Variants in FBXL17 observed in about 807,000 individuals in gnomAD.
The protein encoded by FBXL17 is F-box/LRR-repeat protein 17.
A neutral mutation model predicts 66.2 loss-of-function variants in FBXL17; 22 were observed. That is an observed-to-expected ratio of 0.33 (90% CI 0.24 to 0.47). The LOEUF (loss-of-function observed/expected upper bound fraction) is 0.47. Among genes scored for constraint, FBXL17 ranks in the 20% least tolerant of loss-of-function variants. FBXL17 has a pLI of 1.00. For synonymous variants in FBXL17, 474 were observed against 400.5 expected (o/e 1.18, Z -2.19); for missense variants, 878 against 948.2 (o/e 0.93, Z 0.97).
At chr5:107,985,666 T>C (rs776142845) in intron 7 of FBXL17, among the ~76,000 whole-genome samples, 1 of 152,238 alleles carries the variant, frequency 6.6e-6, no homozygotes. Context: ...TTATGATCTA[T>C]ATACATCTGA....
At chr5:108,161,840 C>T (rs1752231191) in intron 6 of FBXL17, among the ~76,000 whole-genome samples, 1 of 152,070 alleles carries the variant, frequency 6.6e-6, no homozygotes, top group African/African-American at 2.4e-5. Flanking sequence ...TGATCTTAGA[C>T]ATATAAAAGG....
At chr5:108,042,864 G>A (rs750276359) in intron 6 of FBXL17, among the ~76,000 whole-genome samples, 2 of 152,108 alleles carry the variant, frequency 1.3e-5, no homozygotes. Flanking sequence ...CAATATATGA[G>A]TGATCCAGTT....
intron 3 of FBXL17, among the ~76,000 whole-genome samples, chr5:108,348,832 T>A (rs1747455983): frequency 6.6e-6 from 1 of 152,154 alleles, no homozygotes; most frequent in Non-Finnish European, 1.5e-5. Flanking sequence ...AAAGACAGGG[T>A]CTCACTGTGT....
chr5:107,930,554 C>T (rs565634228), intron 7 of FBXL17, among the ~76,000 whole-genome samples: 7 of 152,352 alleles, frequency 4.6e-5, no homozygotes, highest in East Asian at 3.9e-4. Flanking sequence ...CCAACTAGTA[C>T]ATAAACCCCA....
chr5:107,973,952 A>T (rs897220715), intron 7 of FBXL17, among the ~76,000 whole-genome samples: 41 of 152,294 alleles, frequency 2.7e-4, no homozygotes, highest in Middle Eastern at 3.4e-3. Flanking sequence ...ATGTGATACT[A>T]AATTGATAAC....
intron 4 of FBXL17, among the ~76,000 whole-genome samples, chr5:108,290,648 A>G (rs1416059066): frequency 6.6e-6 from 1 of 152,188 alleles, no homozygotes; most frequent in Non-Finnish European, 1.5e-5. Flanking sequence ...GAAACTATAG[A>G]ACAGAAATTC....
At chr5:108,058,251 T>C (rs927404382) in intron 6 of FBXL17, among the ~76,000 whole-genome samples, 5 of 152,220 alleles carry the variant, frequency 3.3e-5, no homozygotes, top group Non-Finnish European at 7.3e-5. Flanking sequence ...AGTGGTCTGA[T>C]TTATTATATC....
At chr5:107,949,456 A>T (rs1271272598) in intron 7 of FBXL17, among the ~76,000 whole-genome samples, 2 of 152,220 alleles carry the variant, frequency 1.3e-5, no homozygotes, top group African/African-American at 2.4e-5. Flanking sequence ...TATTTGAAAA[A>T]TCTTTTTACA....
intron 4 of FBXL17, among the ~76,000 whole-genome samples, chr5:108,324,724 G>A (rs1230583468): frequency 1.6e-5 from 2 of 126,512 alleles, no homozygotes; most frequent in African/African-American, 3.1e-5. Context: ...AAAAGGTGGT[G>A]TGTATATGTA....
intron 6 of FBXL17, among the ~76,000 whole-genome samples, chr5:108,114,760 G>C (rs1443998561): frequency 9.2e-5 from 14 of 152,106 alleles, no homozygotes; most frequent in Non-Finnish European, 1.5e-5. Flanking sequence ...TCACACTACT[G>C]CATCTATTCA....
intron 5 of FBXL17, among the ~76,000 whole-genome samples, chr5:108,203,555 T>C (rs1351010973): frequency 1.3e-5 from 2 of 152,144 alleles, no homozygotes; most frequent in Non-Finnish European, 2.9e-5. Flanking sequence ...AATACAGTAC[T>C]CACTAGGTCA....
intron 8 of FBXL17, among the ~76,000 whole-genome samples, chr5:107,869,701 C>T (rs1414046385): frequency 2.0e-5 from 3 of 152,144 alleles, no homozygotes; most frequent in Non-Finnish European, 4.4e-5. Context: ...CTGAGGTTTG[C>T]TGTGGTGAGA....
chr5:108,098,132 A>G (rs187792188), intron 6 of FBXL17, among the ~76,000 whole-genome samples: 13 of 152,320 alleles, frequency 8.5e-5, no homozygotes, highest in Non-Finnish European at 1.2e-4. Flanking sequence ...GTAAAACTTC[A>G]ATAAATATCT....
In FBXL17 at chr5:107,879,179, C is replaced by T; in HGVS notation, c.1965+1858G>A. On this transcript the variant is annotated intron_variant, in intron 8 of 8. Transcript: ENST00000542267. ...CTCCGAAGATGGAGCTGATCTTAAC[C>T]ATCTAAAGATTACAGGTTAGAAATA... 13 of 985,444 alleles carry T rather than the reference C, an allele frequency of 1.3e-5. No homozygotes were observed. The South Asian group carries it at 6.1e-4, about 46-fold the overall frequency. The allele number at this position is 985,444 out of a possible 1,614,324, so 61.0% of individuals were successfully genotyped here.
chr5:108,039,932 T>C (rs1265731095), intron 6 of FBXL17, among the ~76,000 whole-genome samples: 4 of 152,180 alleles, frequency 2.6e-5, no homozygotes, highest in Non-Finnish European at 4.4e-5. Context: ...TAAAATGATA[T>C]CGTTTGGTAT....
At chr5:107,868,295 G>A (rs1024439320) in intron 8 of FBXL17, among the ~76,000 whole-genome samples, 1 of 152,132 alleles carries the variant, frequency 6.6e-6, no homozygotes, top group African/African-American at 2.4e-5. Context: ...ACTGACATTC[G>A]TTTTTTTACT....
chr5:108,256,526 G>T (rs1370864600), intron 4 of FBXL17, among the ~76,000 whole-genome samples: 1 of 151,386 alleles, frequency 6.6e-6, no homozygotes, highest in Admixed American at 6.6e-5. Flanking sequence ...GATCATTTTG[G>T]AATTTACTTC....
At chr5:108,355,793 G>C (rs930447887) in intron 3 of FBXL17, among the ~76,000 whole-genome samples, 2 of 152,038 alleles carry the variant, frequency 1.3e-5, no homozygotes, top group African/African-American at 4.8e-5. Context: ...ACCACAAAAG[G>C]CAGAAAAAGT....
At chr5:107,950,495 A>C (rs1293866943) in intron 7 of FBXL17, among the ~76,000 whole-genome samples, 2 of 152,184 alleles carry the variant, frequency 1.3e-5, no homozygotes, top group African/African-American at 4.8e-5. Context: ...AGATACATAT[A>C]AATATGGGGT....
Sources: gnomAD v4.1 joint callset for allele counts (sites outside exome capture counted in the v4.1 genomes callset) on GRCh38, gnomAD v4.1.1 for gene constraint, MANE v1.5 for transcripts, NCBI Gene and HGNC (gene_info 2026-07-23, HGNC 2026-07-21) for gene names.